CPSF2: variants seen among roughly 807,000 people sequenced by gnomAD.
The protein encoded by CPSF2 is cleavage and polyadenylation specificity factor subunit 2.
In CPSF2, 51 loss-of-function variants were observed where a neutral mutation model predicts 84.2. The ratio of observed to expected loss-of-function variants is 0.61; its 90% CI spans 0.48 to 0.77. The LOEUF is 0.77. Ranked by LOEUF, CPSF2 falls within the 30% of genes least tolerant of loss-of-function variation. The pLI is 0.00. For synonymous variants in CPSF2, 286 were observed against 311.9 expected, an observed-to-expected ratio of 0.92 and a Z score of 0.87; for missense variants, 641 against 929.4, an observed-to-expected ratio of 0.69 and a Z score of 4.03.
intron 9 of CPSF2, among the ~76,000 whole-genome samples, chr14:92,145,608 C>T (rs1455202336): frequency 1.3e-5 from 2 of 152,034 alleles, no homozygotes; most frequent in Non-Finnish European, 2.9e-5. Context: ...TATTTAGTAG[C>T]TCAGAAATAC....
rs760998127 is a variant in CPSF2 at position 92,166,591 on chromosome 14, A to G, written c.*4847A>G. Reference sequence around the variant, plus strand: ...CATCTCAAACTTCCAGACTCAAACAATACTCCCACTTTGGCTGCCCAAAGT... The same window carrying G: ...CATCTCAAACTTCCAGACTCAAACAGTACTCCCACTTTGGCTGCCCAAAGT... On this transcript the variant is annotated 3_prime_UTR_variant, in exon 16 of 16. Coordinates refer to ENST00000298875, the MANE Select transcript of CPSF2 (RefSeq NM_017437.3). The G allele has an allele frequency of 6.6e-6, 1 of 152,078 alleles. No individual in the cohort carries two copies. The highest frequency in any genetic ancestry group is 6.5e-5 in the Admixed American group (1 of 15,268). 9.4% of individuals were successfully genotyped at this position (152,078 alleles called of 1,614,324 possible).
At chr14:92,127,554 T>C (rs1349554598) in intron 2 of CPSF2, among the ~76,000 whole-genome samples, 2 of 152,254 alleles carry the variant, frequency 1.3e-5, no homozygotes, top group East Asian at 3.9e-4. Context: ...CTGAGAACTT[T>C]TGCTGTGAAA....
chr14:92,143,249 A>T lies in CPSF2; in HGVS notation c.1095A>T (p.Ala365=). The change falls in exon 9 of 16, where the codon GCA becomes GCT. Residue 365 remains alanine, a synonymous_variant. Transcript: ENST00000298875. ...LTYRTTPGTL[A]RFLIDNPSEK... is the part of the protein sequence containing the mutation. ...ACAGAACTACTCCTGGGACTTTAGCACGTTTCCTAATTGATAATCCTTCTG... is the reference window on the plus strand; with the variant it reads ...ACAGAACTACTCCTGGGACTTTAGCTCGTTTCCTAATTGATAATCCTTCTG... 4.3e-6 allele frequency: 7 copies of T among 1,612,186 alleles called. No individual in the cohort carries two copies. Among genetic ancestry groups the T allele is most frequent in the Non-Finnish European group, 5.9e-6 (7 of 1,178,906 alleles).
intron 7 of CPSF2, among the ~76,000 whole-genome samples, chr14:92,140,557 C>T (rs139757510): frequency 0.011 from 1,677 of 151,696 alleles, 36 homozygotes; most frequent in African/African-American, 0.038. Context: ...CTCAGCCTCC[C>T]GAGTAGCTGG....
At chr14:92,155,600 T>C (rs147177851) in intron 11 of CPSF2, among the ~76,000 whole-genome samples, 1 of 152,104 alleles carries the variant, frequency 6.6e-6, no homozygotes, top group Non-Finnish European at 1.5e-5. Context: ...AAGACTTTTT[T>C]CCCCCACTTA....
At chr14:92,149,806 C>T (rs1426142002) in intron 9 of CPSF2, among the ~76,000 whole-genome samples, 1 of 151,838 alleles carries the variant, frequency 6.6e-6, no homozygotes, top group Admixed American at 6.6e-5. Flanking sequence ...CAGGTGTGTG[C>T]CACCACGCCT....
chr14:92,143,438 G>A, intron 9 of CPSF2, 144 bp downstream of exon 9: 3 of 647,472 alleles, frequency 4.6e-6, no homozygotes, highest in East Asian at 2.8e-5. Flanking sequence ...GAGTGGTGGT[G>A]TGTGCTGTAG....
intron 12 of CPSF2, among the ~76,000 whole-genome samples, 187 bp downstream of exon 12, chr14:92,156,818 G>A (rs965324605): frequency 6.6e-6 from 1 of 152,100 alleles, no homozygotes; most frequent in East Asian, 1.9e-4. Flanking sequence ...TTCATTAATG[G>A]TATTTGAATG....
At chr14:92,139,245 G>A (rs1483467361) in intron 7 of CPSF2, among the ~76,000 whole-genome samples, 2 of 151,854 alleles carry the variant, frequency 1.3e-5, no homozygotes, top group Admixed American at 6.6e-5. Context: ...GTGAAACCCC[G>A]TCTCTACTAA....
chr14:92,168,280 G>A lies in CPSF2; in HGVS notation c.*6536G>A, dbSNP rs535439985. 3 of 150,290 alleles carry A rather than the reference G, an allele frequency of 2.0e-5. No homozygotes were observed. Among genetic ancestry groups the A allele is most frequent in the Non-Finnish European group, 3.0e-5 (2 of 67,710 alleles). 9.3% of individuals were successfully genotyped at this position (150,290 alleles called of 1,614,324 possible). A position where few individuals can be genotyped will look rare whatever the true frequency, so the allele number is the denominator to read the frequency against. ...AAAAAAAAAAAAGGGCAGGGGGAGC[G>A]GCTAGAGAAGGAACATTCAAATCTT... On this transcript the variant is annotated 3_prime_UTR_variant, in exon 16 of 16. Transcript: ENST00000298875.
At chr14:92,143,785 A>G (rs1388557633) in intron 9 of CPSF2, among the ~76,000 whole-genome samples, 1 of 151,680 alleles carries the variant, frequency 6.6e-6, no homozygotes, top group East Asian at 1.9e-4. Context: ...TTTTATTTTT[A>G]TTTTTTGGAA....
At chr14:92,152,676 T>C (rs1264919621) in intron 9 of CPSF2, among the ~76,000 whole-genome samples, 1 of 152,116 alleles carries the variant, frequency 6.6e-6, no homozygotes, top group Non-Finnish European at 1.5e-5. Context: ...TGACCTTAGG[T>C]GATCTGCCTG....
rs755148453 is a variant in CPSF2, at chr14:92,161,728, A to T, written c.2333A>T (p.Gln778Leu). 40 of 1,578,446 alleles carry T rather than the reference A, an allele frequency of 2.5e-5. No individual in the cohort carries two copies. Among genetic ancestry groups the T allele is most frequent in the Non-Finnish European group, 3.1e-5 (36 of 1,161,250 alleles). ...FYRIRDLLYE[Q>L]YAIV ...AGGATAAGAGACCTTTTATATGAAC[A>T]ATATGCCATTGTATAAAGGACATGA... The change falls in exon 16 of 16, where the codon CAA (glutamine) becomes CTA (leucine). Residue 778 changes from glutamine to leucine, a missense_variant. Coordinates refer to ENST00000298875, the MANE Select transcript of CPSF2 (RefSeq NM_017437.3).
At chr14:92,144,535 C>T (rs539292137) in intron 9 of CPSF2, among the ~76,000 whole-genome samples, 2 of 152,322 alleles carry the variant, frequency 1.3e-5, no homozygotes, top group East Asian at 3.9e-4. Flanking sequence ...TCCTTCCAGC[C>T]TTAAACTCAG....
chr14:92,153,868 T>A (rs929432609), intron 9 of CPSF2, among the ~76,000 whole-genome samples: 14 of 142,842 alleles, frequency 9.8e-5, no homozygotes, highest in African/African-American at 3.4e-4. Flanking sequence ...ACTCCTGGCT[T>A]TTTTTTTTTT....
At chr14:92,125,797 T>C (rs1242586374) in intron 1 of CPSF2, among the ~76,000 whole-genome samples, 1 of 152,198 alleles carries the variant, frequency 6.6e-6, no homozygotes, top group Non-Finnish European at 1.5e-5. Flanking sequence ...TCCTCTGTTT[T>C]GAGTACCTTC....
rs2141466365 is a variant in CPSF2 at position 92,142,999 on chromosome 14, G to A, written c.850-5G>A. ...TAATTCTTGTCATCTTTCCCCCCAT[G>A]TTAGGTAGAATGGATGAGTGATAAA... On this transcript the variant is annotated splice_region_variant and splice_polypyrimidine_tract_variant and intron_variant, in intron 8 of 15. Coordinates refer to ENST00000298875, the MANE Select transcript of CPSF2 (RefSeq NM_017437.3). The A allele has an allele frequency of 6.3e-7, 1 of 1,599,626 alleles. No individual in the cohort carries two copies. The highest frequency in any genetic ancestry group is 8.5e-7 in the Non-Finnish European group (1 of 1,170,008).
chr14:92,142,467 A>G (rs2069090943), intron 8 of CPSF2, 116 bp downstream of exon 8: 2 of 766,004 alleles, frequency 2.6e-6, no homozygotes, highest in East Asian at 5.0e-5. Flanking sequence ...TGTTAATAAG[A>G]TGATAACTTG....
chr14:92,136,257 G>A (rs2068997363), intron 6 of CPSF2, among the ~76,000 whole-genome samples: 1 of 152,064 alleles, frequency 6.6e-6, no homozygotes, highest in Non-Finnish European at 1.5e-5. Flanking sequence ...TTTATATTAA[G>A]AAATATTTAA....
Sources: allele counts gnomAD v4.1 joint callset (sites outside exome capture counted in the v4.1 genomes callset), GRCh38; gene constraint gnomAD v4.1.1; transcripts MANE v1.5; gene names NCBI Gene and HGNC (gene_info 2026-07-23, HGNC 2026-07-21).